DTWD2: variants seen among roughly 807,000 people sequenced by gnomAD.
DTWD2 encodes DTW motif tRNA-uridine aminocarboxypropyltransferase 2, also known as tRNA-uridine aminocarboxypropyltransferase 2.
Under a neutral mutation model 31.8 loss-of-function variants are expected in DTWD2, and 39 were observed. That is an observed-to-expected ratio of 1.22 (90% CI 0.95 to 1.60). The LOEUF is 1.60. DTWD2 is among the 40% of genes most tolerant of loss of function. The pLI, the probability that DTWD2 is intolerant of heterozygous loss-of-function variation, is 0.00. For synonymous variants in DTWD2, 180 were observed against 142.8 expected (o/e 1.26, Z -1.86); for missense variants, 515 against 381.5 (o/e 1.35, Z -2.92).
chr5:118,943,751 A>G (rs914107705), intron 2 of DTWD2, among the ~76,000 whole-genome samples: 6 of 152,128 alleles, frequency 3.9e-5, no homozygotes, highest in Non-Finnish European at 5.9e-5. Flanking sequence ...AAATAAATAA[A>G]TAAGTGTTTC....
At chr5:118,960,592 A>C (rs1754683512) in intron 1 of DTWD2, among the ~76,000 whole-genome samples, 1 of 152,230 alleles carries the variant, frequency 6.6e-6, no homozygotes, top group South Asian at 2.1e-4. Flanking sequence ...TACCCAAAGG[A>C]ATATAAACTC....
chr5:118,975,257 G>A (rs954821734), intron 1 of DTWD2, among the ~76,000 whole-genome samples: 7 of 151,888 alleles, frequency 4.6e-5, no homozygotes, highest in Non-Finnish European at 1.0e-4. Flanking sequence ...TTGTCTTCAC[G>A]CTTTATTTCA....
At chr5:118,903,990 A>G (rs917621798) in intron 4 of DTWD2, among the ~76,000 whole-genome samples, 3 of 152,122 alleles carry the variant, frequency 2.0e-5, no homozygotes, top group Non-Finnish European at 4.4e-5. Context: ...AATTAGGACT[A>G]TAACCAACAT....
chr5:118,873,943 T>C (rs1313542279), intron 4 of DTWD2, among the ~76,000 whole-genome samples: 1 of 152,184 alleles, frequency 6.6e-6, no homozygotes, highest in Non-Finnish European at 1.5e-5. Context: ...CAGGCACCCC[T>C]GCATCCACCA....
At position 118,840,813 on chromosome 5, in the gene DTWD2, T is replaced by C; in HGVS notation, c.*104A>G. 1 of 1,230,890 alleles carries C rather than the reference T, an allele frequency of 8.1e-7. No homozygotes were observed. The highest frequency in any genetic ancestry group is 1.1e-6 in the Non-Finnish European group (1 of 934,086). 76.2% of individuals were successfully genotyped at this position (1,230,890 alleles called of 1,614,324 possible). ...TCTGGGTAAGATTAGTATGCAATTC[T>C]CCTTCTTTAGCAAGTCAAAAACCTA... is the stretch of plus-strand genomic sequence containing the variant. On this transcript the variant is annotated 3_prime_UTR_variant, in exon 6 of 6. Coordinates refer to ENST00000510708, the MANE Select transcript of DTWD2 (RefSeq NM_173666.4).
chr5:118,920,146 A>C (rs991498481), intron 4 of DTWD2, among the ~76,000 whole-genome samples: 96 of 152,260 alleles, frequency 6.3e-4, no homozygotes, highest in African/African-American at 2.2e-3. Context: ...TGCTGGTTTA[A>C]GCCACTCAGT....
At chr5:118,912,349 A>G (rs1330688800) in intron 4 of DTWD2, among the ~76,000 whole-genome samples, 3 of 152,212 alleles carry the variant, frequency 2.0e-5, no homozygotes, top group African/African-American at 7.2e-5. Context: ...AGATAGAAAA[A>G]ACAACAAATG....
chr5:118,878,076 G>A (rs1752661130), intron 4 of DTWD2, among the ~76,000 whole-genome samples: 1 of 151,322 alleles, frequency 6.6e-6, no homozygotes, highest in African/African-American at 2.4e-5. Flanking sequence ...ATTAAAATGG[G>A]CATACTACCC....
chr5:118,899,910 T>C (rs1219535900), intron 4 of DTWD2, among the ~76,000 whole-genome samples: 1 of 150,458 alleles, frequency 6.6e-6, no homozygotes, highest in Non-Finnish European at 1.5e-5. Context: ...CAAGCGATTC[T>C]CCTGCTTCAG....
chr5:118,898,580 AC>A (rs1282536381), intron 4 of DTWD2, among the ~76,000 whole-genome samples: 1 of 150,250 alleles, frequency 6.7e-6, no homozygotes, highest in Non-Finnish European at 1.5e-5. Flanking sequence ...AATCGCTTGA[AC>A]CTGGGAGGCG....
chr5:118,934,272 T>TAAAAAAAAAAAAAAAAAAAAAAA (rs397999089), intron 3 of DTWD2, among the ~76,000 whole-genome samples: 1 of 23,562 alleles, frequency 4.2e-5, no homozygotes, highest in Non-Finnish European at 7.5e-5. Flanking sequence ...TTGTCTCCAT[T>TAAAAAAAAAAAAAAAAAAAAAAA]AAAAAAAAAA....
intron 4 of DTWD2, among the ~76,000 whole-genome samples, chr5:118,856,354 A>G (rs1224154760): frequency 1.3e-5 from 2 of 152,172 alleles, no homozygotes; most frequent in African/African-American, 4.8e-5. Flanking sequence ...TTTTATGTCT[A>G]TCTTACAGTA....
chr5:118,964,142 G>A (rs1323885226), intron 1 of DTWD2, among the ~76,000 whole-genome samples: 2 of 151,436 alleles, frequency 1.3e-5, no homozygotes, highest in African/African-American at 4.9e-5. Flanking sequence ...CTCAGAAGGT[G>A]GAGTTGCGGT....
At chr5:118,975,768 A>T (rs1755140737) in intron 1 of DTWD2, among the ~76,000 whole-genome samples, 1 of 152,174 alleles carries the variant, frequency 6.6e-6, no homozygotes, top group African/African-American at 2.4e-5. Flanking sequence ...CCTCACCATC[A>T]ATACTGGACC....
At chr5:118,966,654 TA>T (rs1224456125) in intron 1 of DTWD2, among the ~76,000 whole-genome samples, 1 of 152,188 alleles carries the variant, frequency 6.6e-6, no homozygotes, top group Non-Finnish European at 1.5e-5. Context: ...CTAAGTTAAT[TA>T]AACTGATAAA....
chr5:118,932,536 C>A (rs1265675229), intron 3 of DTWD2, among the ~76,000 whole-genome samples: 1 of 152,070 alleles, frequency 6.6e-6, no homozygotes, highest in South Asian at 2.1e-4. Context: ...CCCCTAGTAG[C>A]TCAGAATATG....
intron 1 of DTWD2, among the ~76,000 whole-genome samples, chr5:118,952,718 G>T (rs545082519): frequency 6.6e-6 from 1 of 152,156 alleles, no homozygotes; most frequent in Non-Finnish European, 1.5e-5. Flanking sequence ...GAAGTGGTTA[G>T]ATTCTCAGCC....
At chr5:118,955,712 T>C (rs1754569257) in intron 1 of DTWD2, among the ~76,000 whole-genome samples, 2 of 151,960 alleles carry the variant, frequency 1.3e-5, no homozygotes. Context: ...GGAGGATCAC[T>C]TGAGCCCACT....
chr5:118,841,119 T>A, intron 5 of DTWD2, 32 bp from the exon 6 acceptor site: 1 of 1,576,368 alleles, frequency 6.3e-7, no homozygotes, highest in South Asian at 1.2e-5. Context: ...TAAAAAAGTA[T>A]CTGTGACAAA....
Sources: gnomAD v4.1 joint callset for allele counts (sites outside exome capture counted in the v4.1 genomes callset) on GRCh38, gnomAD v4.1.1 for gene constraint, MANE v1.5 for transcripts, NCBI Gene and HGNC (gene_info 2026-07-23, HGNC 2026-07-21) for gene names.